The following IFT88 variants were observed in gnomAD, a reference collection of about 807,000 sequenced individuals.
IFT88 encodes the protein intraflagellar transport 88.
In IFT88, 74 loss-of-function variants were observed where a neutral mutation model predicts 119.5. The ratio of observed to expected loss-of-function variants is 0.62; its 90% CI spans 0.51 to 0.75. IFT88 has a LOEUF of 0.75. Ranked by LOEUF, IFT88 falls within the 30% of genes least tolerant of loss-of-function variation. The probability of loss-of-function intolerance (pLI) is 0.00; values close to 1 mark genes in which losing one functional copy is unlikely to be tolerated. For missense variants in IFT88, 961 were observed against 977.7 expected (o/e 0.98, Z 0.23); for synonymous variants, 279 against 316.7 (o/e 0.88, Z 1.26).
At chr13:20,636,753 A>G (rs1022239793) in intron 16 of IFT88, among the ~76,000 whole-genome samples, 6 of 152,264 alleles carry the variant, frequency 3.9e-5, no homozygotes, top group Non-Finnish European at 7.3e-5. Flanking sequence ...CCAAAAGACA[A>G]TGTTACATGT....
At position 20,567,916 on chromosome 13, in the gene IFT88, A is replaced by G. The variant is rs2035248326; in HGVS notation, c.-7+660A>G. ...CAGTAGGCTTCTTGGAAGTAGACCA[A>G]GGGTGTCCAATCTTTGGCTTCCCTG... On this transcript the variant is annotated intron_variant, in intron 1 of 25. Coordinates refer to ENST00000351808, the MANE Select transcript of IFT88 (RefSeq NM_006531.5). 3.5e-5 allele frequency: 24 copies of G among 694,842 alleles called. No individual in the cohort carries two copies. In the South Asian group the frequency reaches 3.6e-4, roughly 10 times the overall value. 43.0% of individuals were successfully genotyped at this position (694,842 alleles called of 1,614,324 possible). A position where few individuals can be genotyped will look rare whatever the true frequency, so the allele number is the denominator to read the frequency against.
At position 20,613,945 on chromosome 13, in the gene IFT88, A is replaced by G. The variant is rs539137881; in HGVS notation, c.1113-1848A>G. 4.0e-3 allele frequency among the ~76,000 whole-genome samples: 389 copies of G among 96,630 alleles called. 3 individuals carry two copies. The highest frequency in any genetic ancestry group is 0.015 in the African/African-American group (369 of 25,446). 63.4% of individuals were successfully genotyped at this position (96,630 alleles called of 152,430 possible). A position where few individuals can be genotyped will look rare whatever the true frequency, so the allele number is the denominator to read the frequency against. On this transcript the variant is annotated intron_variant, in intron 13 of 25. Transcript: ENST00000351808. ...TGAAAGGTATAAATTAGGCAAATCT[A>G]TAAAGATTTGCCAGGGAGTGTCTGC...
chr13:20,607,866 C>A (rs1038788494), intron 13 of IFT88: 2 of 717,210 alleles, frequency 2.8e-6, no homozygotes, highest in Non-Finnish European at 5.3e-6. Flanking sequence ...TGCTGCCCAA[C>A]CCAGTCACCA....
intron 22 of IFT88, 73 bp from the exon 23 acceptor site, chr13:20,663,425 T>G (rs769631813): frequency 1.9e-6 from 3 of 1,578,176 alleles, no homozygotes; most frequent in Non-Finnish European, 2.6e-6. Context: ...AAGACTGAGT[T>G]CACTGATTTA....
intron 24 of IFT88, among the ~76,000 whole-genome samples, chr13:20,673,867 CTG>C (rs1198472290): frequency 6.6e-6 from 1 of 152,166 alleles, no homozygotes; most frequent in African/African-American, 2.4e-5. Flanking sequence ...CATACAAACT[CTG>C]TGCTCTCAAG....
At chr13:20,686,224 G>A (rs2057902730) in intron 24 of IFT88, among the ~76,000 whole-genome samples, 1 of 152,216 alleles carries the variant, frequency 6.6e-6, no homozygotes, top group South Asian at 2.1e-4. Context: ...CTTATTTGCA[G>A]CTGGAGTGCA....
intron 13 of IFT88, among the ~76,000 whole-genome samples, chr13:20,606,773 A>G (rs1443635621): frequency 6.6e-6 from 1 of 152,050 alleles, no homozygotes; most frequent in Non-Finnish European, 1.5e-5. Context: ...CAGCTACTCA[A>G]GAGGCTGGGA....
intron 23 of IFT88, among the ~76,000 whole-genome samples, chr13:20,669,355 A>G (rs2055363936): frequency 6.6e-6 from 1 of 152,092 alleles, no homozygotes; most frequent in African/African-American, 2.4e-5. Flanking sequence ...ACAGGATACA[A>G]GTTTTCACAT....
chr13:20,595,436 C>T (rs537147435), intron 7 of IFT88, among the ~76,000 whole-genome samples: 2 of 151,746 alleles, frequency 1.3e-5, no homozygotes, highest in Non-Finnish European at 2.9e-5. Flanking sequence ...ATTATAGGTG[C>T]CTGCCCCAAC....
chr13:20,628,675 A>T (rs917615092), intron 15 of IFT88, among the ~76,000 whole-genome samples: 1 of 152,218 alleles, frequency 6.6e-6, no homozygotes, highest in Non-Finnish European at 1.5e-5. Context: ...TAGAATAATT[A>T]TGTAGCCTTT....
intron 22 of IFT88, among the ~76,000 whole-genome samples, chr13:20,659,640 TTTA>T (rs2053461084): frequency 1.0e-5 from 1 of 95,884 alleles, no homozygotes; most frequent in African/African-American, 4.0e-5. Flanking sequence ...TTTACAATAC[TTTA>T]TGGTCTTTTT....
In IFT88 at chr13:20,590,983, C is replaced by T. The variant is rs1362158346; in HGVS notation, c.227C>T (p.Ala76Val). The T allele has an allele frequency of 1.9e-6, 3 of 1,608,360 alleles. No individual in the cohort carries two copies. Among genetic ancestry groups the T allele is most frequent in the Non-Finnish European group, 1.7e-6 (2 of 1,176,232 alleles). Residue 76 changes from alanine (A) to valine (V), a missense_variant, in exon 5 of 26, where the codon GCA (alanine) becomes GTA (valine). Physicochemically the swap from Ala to Val is moderately conservative, Grantham distance 64. Transcript: ENST00000351808. ...GTTTACTAGTCCAAGACATCTCTGGCATCATCAATAGGAAGACCAATGACA... is the reference window on the plus strand; with the variant it reads ...GTTTACTAGTCCAAGACATCTCTGGTATCATCAATAGGAAGACCAATGACA... ...ATGYGSKTSL[A>V]SSIGRPMTGA... is the part of the protein sequence containing the mutation.
chr13:20,614,642 CAG>C (rs2045270537), intron 13 of IFT88, among the ~76,000 whole-genome samples: 1 of 152,036 alleles, frequency 6.6e-6, no homozygotes, highest in Non-Finnish European at 1.5e-5. Context: ...TTATCAATGA[CAG>C]TAATCTGGTT....
At chr13:20,668,712 G>A (rs1008289644) in intron 23 of IFT88, among the ~76,000 whole-genome samples, 5 of 152,214 alleles carry the variant, frequency 3.3e-5, no homozygotes, top group African/African-American at 1.2e-4. Context: ...CCGACCAGGG[G>A]ACACACAGGG....
chr13:20,633,751 C>A (rs1423320142), intron 16 of IFT88, among the ~76,000 whole-genome samples: 1 of 152,110 alleles, frequency 6.6e-6, no homozygotes, highest in Non-Finnish European at 1.5e-5. Context: ...TGGTTGTAAT[C>A]AAGAATGTTT....
intron 18 of IFT88, 84 bp from the exon 19 acceptor site, chr13:20,643,371 A>G (rs554874362): frequency 3.1e-4 from 321 of 1,047,132 alleles, no homozygotes; most frequent in Non-Finnish European, 4.2e-4. Context: ...AGGCTAAGAA[A>G]TATTGTTACT....
At chr13:20,667,907 G>T (rs1314188185) in intron 23 of IFT88, among the ~76,000 whole-genome samples, 1 of 151,996 alleles carries the variant, frequency 6.6e-6, no homozygotes, top group Non-Finnish European at 1.5e-5. Context: ...CACTTCCCAG[G>T]TGCTCTTCAA....
Position 20,600,422 on chromosome 13 carries a change from T to C in IFT88, c.812+857T>C, listed in dbSNP as rs145519912. On this transcript the variant is annotated intron_variant, in intron 11 of 25. Transcript: ENST00000351808. ...CTTTATGAAGGAGGCATACTTGATATTGACTCTTTAGGAGGAGAGAAGGGA... is the reference window on the plus strand; with the variant it reads ...CTTTATGAAGGAGGCATACTTGATACTGACTCTTTAGGAGGAGAGAAGGGA... Among the ~76,000 whole-genome samples the C allele has an allele frequency of 1.5e-3, 231 of 152,222 alleles. 1 individual carries two copies. Among genetic ancestry groups the C allele is most frequent in the African/African-American group, 5.4e-3 (224 of 41,550 alleles).
chr13:20,680,345 G>A (rs1228959697), intron 24 of IFT88, among the ~76,000 whole-genome samples: 3 of 152,112 alleles, frequency 2.0e-5, no homozygotes, highest in Non-Finnish European at 2.9e-5. Flanking sequence ...GGGCTTAGAC[G>A]GGCCTCTATC....
Sources: allele counts gnomAD v4.1 joint callset (sites outside exome capture counted in the v4.1 genomes callset), GRCh38; gene constraint gnomAD v4.1.1; transcripts MANE v1.5; gene names NCBI Gene and HGNC (gene_info 2026-07-23, HGNC 2026-07-21).